NDUFA11: variants seen among roughly 807,000 people sequenced by gnomAD.
NDUFA11 encodes the protein NADH dehydrogenase [ubiquinone] 1 alpha subcomplex subunit 11.
NDUFA11 carries 14 observed loss-of-function variants against 11.3 expected under a neutral mutation model. The observed-to-expected ratio is 1.24, with a 90% CI of 0.82 to 1.94. NDUFA11 has a LOEUF of 1.94. NDUFA11 is among the 30% of genes most tolerant of loss of function. The probability of loss-of-function intolerance (pLI) is 0.00; values close to 1 mark genes in which losing one functional copy is unlikely to be tolerated. For missense variants in NDUFA11, 204 were observed against 200.3 expected (o/e 1.02, Z -0.11); for synonymous variants, 87 against 85.6 (o/e 1.02, Z -0.09).
Position 5,896,586 on chromosome 19 carries a change from G to A in NDUFA11, c.191-11C>T. On this transcript the variant is annotated splice_polypyrimidine_tract_variant and intron_variant, in intron 2 of 3. Transcript: ENST00000308961. The surrounding 1 kb of genome is among the most constrained non-coding windows in gnomAD (Gnocchi z 5.8). Reference sequence around the variant, plus strand: ...CGGCCCCGACAGCAGCTGCGGGGTAGACGGGAAGAGCAAGGGCCTCGAGAC... The same window carrying A: ...CGGCCCCGACAGCAGCTGCGGGGTAAACGGGAAGAGCAAGGGCCTCGAGAC... 1 of 1,561,442 alleles carries A rather than the reference G, an allele frequency of 6.4e-7. No homozygotes were observed. Among genetic ancestry groups the A allele is most frequent in the South Asian group, 1.2e-5 (1 of 84,852 alleles).
At chr19:5,899,125 G>A (rs1048255141) in intron 1 of NDUFA11, among the ~76,000 whole-genome samples, 1 of 151,030 alleles carries the variant, frequency 6.6e-6, no homozygotes, top group African/African-American at 2.4e-5. Context: ...CTAATTGAAA[G>A]AGAGCTGGAG....
At chr19:5,900,910 CA>C (rs1305134254) in intron 1 of NDUFA11, among the ~76,000 whole-genome samples, 329 of 51,618 alleles carry the variant, frequency 6.4e-3, no homozygotes, top group African/African-American at 0.012. Flanking sequence ...GACTCCGTCT[CA>C]AAAAAAAAAA....
rs71172780 is a variant in NDUFA11, at chr19:5,899,451, C to CTTTTTTT, written c.98-2461_98-2455dup. Among the ~76,000 whole-genome samples, 11 of 68,834 alleles carry CTTTTTTT rather than the reference C, an allele frequency of 1.6e-4. 1 individual carries two copies. Among genetic ancestry groups the CTTTTTTT allele is most frequent in the South Asian group, 6.0e-4 (1 of 1,672 alleles). 45.2% of individuals were successfully genotyped at this position (68,834 alleles called of 152,430 possible). A position where few individuals can be genotyped will look rare whatever the true frequency, so the allele number is the denominator to read the frequency against. ...AGGCGTGAGCCACCGCGCCCGGACT[C>CTTTTTTT]TTTTTTTTTTTTTTTTTTTTTTTGA... On this transcript the variant is annotated intron_variant, in intron 1 of 3. Transcript: ENST00000308961.
At chr19:5,894,468 C>T (rs1336745265), downstream of NDUFA11, among the ~76,000 whole-genome samples, 1 of 152,210 alleles carries the variant, frequency 6.6e-6, no homozygotes, top group African/African-American at 2.4e-5. Flanking sequence ...GGGCGCATCC[C>T]AGCCGTCTCC....
chr19:5,892,919 A>G (rs2057586276), downstream of NDUFA11: 9 of 1,438,552 alleles, frequency 6.3e-6, no homozygotes, highest in Non-Finnish European at 7.3e-6. Flanking sequence ...GGAAAGAATC[A>G]AGTTCTGGGG....
intron 1 of NDUFA11, among the ~76,000 whole-genome samples, chr19:5,897,968 C>T (rs1311892912): frequency 2.0e-5 from 3 of 152,246 alleles, no homozygotes; most frequent in Non-Finnish European, 4.4e-5. Flanking sequence ...AAGCACCCCC[C>T]TCTCCCTACA....
In NDUFA11 at chr19:5,894,741, C is replaced by T. The variant is rs766304743; in HGVS notation, c.*1G>A. The T allele has an allele frequency of 5.0e-6, 8 of 1,612,478 alleles. No individual in the cohort carries two copies. In the African/African-American group the frequency reaches 1.1e-4, roughly 22 times the overall value. On this transcript the variant is annotated 3_prime_UTR_variant, in exon 4 of 4. Coordinates refer to ENST00000308961, the MANE Select transcript of NDUFA11 (RefSeq NM_175614.5). Reference sequence around the variant, plus strand: ...GCTGGAGGTCCCGGCAGGCACAGGGCTCACACCTTGGGTTTTGCAAACACC... The same window carrying T: ...GCTGGAGGTCCCGGCAGGCACAGGGTTCACACCTTGGGTTTTGCAAACACC...
chr19:5,901,951 G>A (rs955359273), intron 1 of NDUFA11, among the ~76,000 whole-genome samples: 2 of 149,406 alleles, frequency 1.3e-5, no homozygotes, highest in African/African-American at 4.9e-5. Context: ...GACTACAGGC[G>A]TGAGCCACCG....
At chr19:5,901,513 G>A (rs2057645251) in intron 1 of NDUFA11, 2 of 1,252,692 alleles carry the variant, frequency 1.6e-6, no homozygotes, top group Admixed American at 2.3e-5. Context: ...TGCAAAATAT[G>A]GGAGTGATGA....
intron 1 of NDUFA11, among the ~76,000 whole-genome samples, chr19:5,901,797 G>A (rs1262131849): frequency 6.6e-6 from 1 of 151,488 alleles, no homozygotes; most frequent in Non-Finnish European, 1.5e-5. Context: ...AGCCTCCTGA[G>A]TATCTGGGAC....
In NDUFA11 at chr19:5,896,809, TG is replaced by T; in HGVS notation, c.190+95del. ...GATGGCCAGCACTGTGGACACGGGC[TG>T]GGGAGTCAGAGAGAAGAGGCAGCCG... On this transcript the variant is annotated intron_variant, in intron 2 of 3. Coordinates refer to ENST00000308961, the MANE Select transcript of NDUFA11 (RefSeq NM_175614.5). This position sits in a 1 kb window ranked among gnomAD's most constrained non-coding sequence, Gnocchi z 5.8. The T allele has an allele frequency of 1.6e-6, 2 of 1,247,802 alleles. No homozygotes were observed. The highest frequency in any genetic ancestry group is 2.4e-6 in the Non-Finnish European group (2 of 850,372). The allele number at this position is 1,247,802 out of a possible 1,614,324, so 77.3% of individuals were successfully genotyped here. A position where few individuals can be genotyped will look rare whatever the true frequency, so the allele number is the denominator to read the frequency against.
chr19:5,897,918 C>T (rs887333959), intron 1 of NDUFA11, among the ~76,000 whole-genome samples: 8 of 152,200 alleles, frequency 5.3e-5, no homozygotes, highest in African/African-American at 1.9e-4. Context: ...CAGCCCGAGC[C>T]GGGGCTCCCC....
Position 5,896,291 on chromosome 19 carries a change from A to T in NDUFA11, c.313+162T>A. 1 of 835,076 alleles carries T rather than the reference A, an allele frequency of 1.2e-6. No individual in the cohort carries two copies. 51.7% of individuals were successfully genotyped at this position (835,076 alleles called of 1,614,324 possible). On this transcript the variant is annotated intron_variant, in intron 3 of 3. Coordinates refer to ENST00000308961, the MANE Select transcript of NDUFA11 (RefSeq NM_175614.5). This position sits in a 1 kb window ranked among gnomAD's most constrained non-coding sequence, Gnocchi z 5.8. ...TCAGGGAGGGCCACAGTAGGTGCTT[A>T]AGCAGCAGCAGCAGCTGTCGCTATG...
chr19:5,898,999 C>T (rs868558441), intron 1 of NDUFA11, among the ~76,000 whole-genome samples: 5 of 151,874 alleles, frequency 3.3e-5, no homozygotes, highest in African/African-American at 9.7e-5. Flanking sequence ...GTACAGCCGT[C>T]CCCCCAGGAC....
chr19:5,894,646 G>A (rs750467837), downstream of NDUFA11: 21 of 1,548,000 alleles, frequency 1.4e-5, no homozygotes, highest in East Asian at 2.4e-5. Context: ...CTGCTGTGTC[G>A]CCGTCATCAA....
At chr19:5,901,602 C>G (rs959548084) in intron 1 of NDUFA11, 1 of 411,750 alleles carries the variant, frequency 2.4e-6, no homozygotes, top group Non-Finnish European at 4.3e-6. Flanking sequence ...GCTGGAAATA[C>G]AGAGTTGACC....
At position 5,894,902 on chromosome 19, in the gene NDUFA11, A is replaced by C. The variant is rs1599691480; in HGVS notation, c.314-48T>G. The C allele has an allele frequency of 1.9e-6, 3 of 1,542,310 alleles. No individual in the cohort carries two copies. The African/African-American group carries it at 4.1e-5, about 21-fold the overall frequency. On this transcript the variant is annotated intron_variant, in intron 3 of 3. Transcript: ENST00000308961. Reference sequence around the variant, plus strand: ...TCAGGCCCGGGTGGGGCTCGGCCGGACCAAGACGCTCCACGCCCTGGCCGG... The same window carrying C: ...TCAGGCCCGGGTGGGGCTCGGCCGGCCCAAGACGCTCCACGCCCTGGCCGG...
chr19:5,902,330 CAT>C (rs2057651351), intron 1 of NDUFA11: 2 of 152,328 alleles, frequency 1.3e-5, no homozygotes, highest in Admixed American at 1.3e-4. Context: ...GTGGTGCAAA[CAT>C]AGCTCACTAG....
intron 1 of NDUFA11, among the ~76,000 whole-genome samples, chr19:5,900,866 G>A (rs1440027095): frequency 6.9e-6 from 1 of 144,900 alleles, no homozygotes; most frequent in Non-Finnish European, 1.5e-5. Flanking sequence ...AGCCAAGATC[G>A]CACCACTGCA....
Sources: gnomAD v4.1 joint callset for allele counts (sites outside exome capture counted in the v4.1 genomes callset) on GRCh38, gnomAD v4.1.1 for gene constraint, Gnocchi (gnomAD v3.1) non-coding constraint, MANE v1.5 for transcripts, NCBI Gene and HGNC (gene_info 2026-07-23, HGNC 2026-07-21) for gene names.